The following RGS21 variants were observed in gnomAD, a reference collection of about 807,000 sequenced individuals.
RGS21 encodes the protein regulator of G-protein signalling 21.
RGS21 carries 19 observed loss-of-function variants against 18.7 expected under a neutral mutation model. That is an observed-to-expected ratio of 1.01 (90% CI 0.71 to 1.49). The LOEUF (loss-of-function observed/expected upper bound fraction) is 1.49. Among genes scored for constraint, RGS21 ranks in the 40% most tolerant of loss-of-function variants. The pLI is 0.00. For synonymous variants in RGS21, 56 were observed against 57.8 expected, an observed-to-expected ratio of 0.97 and a Z score of 0.14; for missense variants, 194 against 176.8, an observed-to-expected ratio of 1.10 and a Z score of -0.55.
At chr1:192,317,740 T>C (rs572936441) in intron 1 of RGS21, among the ~76,000 whole-genome samples, 136 of 152,174 alleles carry the variant, frequency 8.9e-4, no homozygotes, top group Non-Finnish European at 1.4e-3. Context: ...TTTAAAGATA[T>C]ATTTCAGTTA....
chr1:192,349,241 C>T (rs1658998685), intron 3 of RGS21, among the ~76,000 whole-genome samples: 1 of 152,140 alleles, frequency 6.6e-6, no homozygotes, highest in African/African-American at 2.4e-5. Flanking sequence ...TGAAGGCAAA[C>T]TCATTCCTCT....
chr1:192,362,779 T>C (rs1239933525), intron 4 of RGS21, among the ~76,000 whole-genome samples: 1 of 152,154 alleles, frequency 6.6e-6, no homozygotes, highest in African/African-American at 2.4e-5. Context: ...TTAATTAGCA[T>C]TATTATGTTG....
chr1:192,322,414 T>G (rs1395094798), intron 1 of RGS21, among the ~76,000 whole-genome samples: 1 of 152,140 alleles, frequency 6.6e-6, no homozygotes, highest in Non-Finnish European at 1.5e-5. Flanking sequence ...ACAGTTCTAA[T>G]GAATGGCACA....
At position 192,352,163 on chromosome 1, in the gene RGS21, A is replaced by G. The variant is rs755285862; in HGVS notation, c.205A>G (p.Lys69Glu). The G allele has an allele frequency of 6.2e-7, 1 of 1,611,198 alleles. No homozygotes were observed. The highest frequency in any genetic ancestry group is 8.5e-7 in the Non-Finnish European group (1 of 1,178,590). ...GAAAAATGCAGACAAAATTGCTTCC[A>G]AAGCCAAGATGATTTATTCTGAATT... is the stretch of plus-strand genomic sequence containing the variant. ...KTKNADKIASKAKMIYSEFIE... is the reference protein window; with the variant it reads ...KTKNADKIASEAKMIYSEFIE... Residue 69 changes from lysine to glutamate, a missense_variant, in exon 4 of 5, where the codon AAA becomes GAA. Coordinates refer to ENST00000417209, the MANE Select transcript of RGS21 (RefSeq NM_001039152.3).
At chr1:192,345,766 A>T (rs1380179610) in intron 2 of RGS21, among the ~76,000 whole-genome samples, 1 of 152,052 alleles carries the variant, frequency 6.6e-6, no homozygotes, top group Non-Finnish European at 1.5e-5. Flanking sequence ...TAGCAGCCAA[A>T]TTTTAGTATA....
chr1:192,359,761 T>C (rs1357097272), intron 4 of RGS21, among the ~76,000 whole-genome samples: 2 of 135,394 alleles, frequency 1.5e-5, no homozygotes, highest in African/African-American at 6.2e-5. Flanking sequence ...TAACTCTATA[T>C]GTAACTTTCT....
At chr1:192,329,121 A>G (rs79835145) in intron 1 of RGS21, among the ~76,000 whole-genome samples, 1,756 of 152,266 alleles carry the variant, frequency 0.012, 22 homozygotes, top group South Asian at 0.054. Context: ...TAAATCACAA[A>G]TTTAATATTA....
intron 1 of RGS21, among the ~76,000 whole-genome samples, chr1:192,327,922 A>G (rs1658591558): frequency 6.6e-6 from 1 of 152,246 alleles, no homozygotes; most frequent in African/African-American, 2.4e-5. Flanking sequence ...ATGGCAAAAA[A>G]TAAAGACTCT....
intron 1 of RGS21, among the ~76,000 whole-genome samples, chr1:192,325,266 C>A (rs1219852826): frequency 6.6e-6 from 1 of 151,936 alleles, no homozygotes; most frequent in African/African-American, 2.4e-5. Flanking sequence ...TGATAATGAC[C>A]TCCAGCTGCA....
In RGS21 at chr1:192,345,088, AG is replaced by A. The variant is rs371979069; in HGVS notation, c.11+2042del. ...TCTTACTGTTTCTCTACATTAATGA[AG>A]ATGATACAAATAGCTATTATTTATG... On this transcript the variant is annotated intron_variant, in intron 2 of 4. Transcript: ENST00000417209. Among the ~76,000 whole-genome samples, 210 of 152,250 alleles carry A rather than the reference AG, an allele frequency of 1.4e-3. 3 individuals carry two copies. The highest frequency in any genetic ancestry group is 4.7e-3 in the African/African-American group (197 of 41,580).
At chr1:192,344,349 G>C (rs1658916617) in intron 2 of RGS21, among the ~76,000 whole-genome samples, 1 of 152,026 alleles carries the variant, frequency 6.6e-6, no homozygotes, top group Non-Finnish European at 1.5e-5. Flanking sequence ...GGTTAAAGCA[G>C]ACAAACTTGT....
chr1:192,353,278 T>C (rs1380043133), intron 4 of RGS21, among the ~76,000 whole-genome samples: 1 of 151,942 alleles, frequency 6.6e-6, no homozygotes, highest in Non-Finnish European at 1.5e-5. Context: ...CTGCAGCATA[T>C]ATTAGTCTAG....
Position 192,361,842 on chromosome 1 carries a change from C to T in RGS21, c.256-4079C>T, listed in dbSNP as rs551259160. Among the ~76,000 whole-genome samples, 18 of 152,142 alleles carry T rather than the reference C, an allele frequency of 1.2e-4. No individual in the cohort carries two copies. In the East Asian group the frequency reaches 2.5e-3, roughly 21 times the overall value. On this transcript the variant is annotated intron_variant, in intron 4 of 4. Coordinates refer to ENST00000417209, the MANE Select transcript of RGS21 (RefSeq NM_001039152.3). ...AATTACAGGCATGAGCCACCATGCCCGGCCAATTTTCTGGAGATTTTTAAA... is the reference window on the plus strand; with the variant it reads ...AATTACAGGCATGAGCCACCATGCCTGGCCAATTTTCTGGAGATTTTTAAA...
chr1:192,332,555 AT>A (rs569645259), intron 1 of RGS21, among the ~76,000 whole-genome samples: 407 of 152,340 alleles, frequency 2.7e-3, no homozygotes, highest in Admixed American at 6.5e-3. Context: ...GGGAAGAGTC[AT>A]TAGACATGAC....
intron 4 of RGS21, among the ~76,000 whole-genome samples, chr1:192,360,563 C>A (rs1303135345): frequency 6.6e-6 from 1 of 152,024 alleles, no homozygotes; most frequent in African/African-American, 2.4e-5. Flanking sequence ...CTTTCTTTCA[C>A]CCACAGCCAG....
At chr1:192,349,769 T>C (rs913213005) in intron 3 of RGS21, among the ~76,000 whole-genome samples, 2 of 152,118 alleles carry the variant, frequency 1.3e-5, no homozygotes, top group Non-Finnish European at 2.9e-5. Flanking sequence ...AATTTTTAGT[T>C]GAGAGTAGCC....
intron 1 of RGS21, among the ~76,000 whole-genome samples, chr1:192,320,905 C>A (rs1450457030): frequency 6.6e-6 from 1 of 151,914 alleles, no homozygotes; most frequent in African/African-American, 2.4e-5. Context: ...AATTATAATG[C>A]TTAAGGATTT....
chr1:192,322,911 A>G (rs1658516388), intron 1 of RGS21, among the ~76,000 whole-genome samples: 1 of 152,110 alleles, frequency 6.6e-6, no homozygotes, highest in Admixed American at 6.6e-5. Context: ...CAGAGTTTAA[A>G]TATCAGTAAT....
intron 2 of RGS21, among the ~76,000 whole-genome samples, chr1:192,345,679 C>T (rs1303404016): frequency 6.6e-6 from 1 of 152,002 alleles, no homozygotes; most frequent in Non-Finnish European, 1.5e-5. Flanking sequence ...GGGCATTCTG[C>T]ATGGCCAGGT....
Sources: allele counts gnomAD v4.1 joint callset (sites outside exome capture counted in the v4.1 genomes callset), GRCh38; gene constraint gnomAD v4.1.1; transcripts MANE v1.5; gene names NCBI Gene and HGNC (gene_info 2026-07-23, HGNC 2026-07-21).